DPP6: variants seen among roughly 807,000 people sequenced by gnomAD.
DPP6 encodes A-type potassium channel modulatory protein DPP6.
DPP6 carries 69 observed loss-of-function variants against 122.6 expected under a neutral mutation model. The ratio of observed to expected loss-of-function variants is 0.56; its 90% CI spans 0.46 to 0.69. DPP6 has a LOEUF of 0.69. DPP6 is among the 30% of genes least tolerant of loss of function. DPP6 has a pLI of 0.00. For synonymous variants in DPP6, 418 were observed against 433.1 expected (o/e 0.97, Z 0.43); for missense variants, 928 against 1,116.9 (o/e 0.83, Z 2.41).
chr7:154,113,869 C>G (rs1241807078), intron 1 of DPP6, among the ~76,000 whole-genome samples: 1 of 152,076 alleles, frequency 6.6e-6, no homozygotes, highest in Non-Finnish European at 1.5e-5. Flanking sequence ...TTGGCACTAA[C>G]TATAATGGTG....
At chr7:154,499,742 C>A (rs186667724) in intron 3 of DPP6, among the ~76,000 whole-genome samples, 1 of 152,158 alleles carries the variant, frequency 6.6e-6, no homozygotes. Flanking sequence ...ATATCCCCAC[C>A]ACCCACCAAC....
chr7:154,114,726 C>T (rs1470249895), intron 1 of DPP6, among the ~76,000 whole-genome samples: 1 of 152,182 alleles, frequency 6.6e-6, no homozygotes, highest in Admixed American at 6.5e-5. Flanking sequence ...AATCTTCCAC[C>T]TCAGTCAACC....
intron 16 of DPP6, among the ~76,000 whole-genome samples, chr7:154,831,133 C>T (rs1257538712): frequency 1.3e-5 from 2 of 152,220 alleles, no homozygotes; most frequent in African/African-American, 2.4e-5. Context: ...GGACCACAGA[C>T]CTCTCCATCT....
intron 16 of DPP6, among the ~76,000 whole-genome samples, chr7:154,851,433 C>T (rs1268772655): frequency 6.6e-6 from 1 of 152,182 alleles, no homozygotes; most frequent in East Asian, 1.9e-4. Context: ...TTTATTCACC[C>T]TGAAATGTGC....
At chr7:154,450,040 A>G (rs1017522555) in intron 2 of DPP6, among the ~76,000 whole-genome samples, 11 of 151,378 alleles carry the variant, frequency 7.3e-5, no homozygotes, top group Non-Finnish European at 1.5e-5. Flanking sequence ...AAATAAATAA[A>G]TAAATAAATA....
At chr7:154,639,740 A>G (rs895028284) in intron 6 of DPP6, among the ~76,000 whole-genome samples, 5 of 152,170 alleles carry the variant, frequency 3.3e-5, no homozygotes, top group African/African-American at 1.2e-4. Context: ...TGACCCCAAC[A>G]CGGAGGGAGC....
At chr7:154,883,901 C>A (rs1805768712) in intron 21 of DPP6, 1 of 128,718 alleles carries the variant, frequency 7.8e-6, no homozygotes, top group Admixed American at 8.0e-5. Flanking sequence ...ACACACATTA[C>A]ATACACATGC....
intron 1 of DPP6, among the ~76,000 whole-genome samples, chr7:154,206,311 T>C (rs1453804901): frequency 6.6e-6 from 1 of 152,186 alleles, no homozygotes; most frequent in Non-Finnish European, 1.5e-5. Context: ...TTACATAAAT[T>C]AGCAACCTCC....
chr7:153,873,998 G>T, the DPP6 span, among the ~76,000 whole-genome samples: 1 of 152,148 alleles, frequency 6.6e-6, no homozygotes, highest in Non-Finnish European at 1.5e-5. Context: ...AATTAGAGAT[G>T]GAATTTTCCT....
chr7:154,871,176 G>A (rs1443621698), intron 18 of DPP6, among the ~76,000 whole-genome samples: 8 of 152,120 alleles, frequency 5.3e-5, no homozygotes, highest in Admixed American at 1.3e-4. Flanking sequence ...TCCCAGTAAC[G>A]CTTCCCAAGC....
chr7:154,870,475 A>G (rs1229774063), intron 18 of DPP6, among the ~76,000 whole-genome samples: 1 of 151,860 alleles, frequency 6.6e-6, no homozygotes, highest in Non-Finnish European at 1.5e-5. Context: ...GCGTGATGGC[A>G]TGTGCCTGTA....
intron 5 of DPP6, among the ~76,000 whole-genome samples, chr7:154,598,733 T>C (rs1270939870): frequency 6.6e-6 from 1 of 152,180 alleles, no homozygotes; most frequent in African/African-American, 2.4e-5. Flanking sequence ...GCAGTGTAAC[T>C]GAGAACAGGC....
chr7:154,653,297 A>G lies in DPP6; in HGVS notation c.680+15424A>G, dbSNP rs1837000324. ...TGAGACCAGGAGGTTGAAGCTGCAG[A>G]GAGCTATGATTGTGCCAATCTACTC... On this transcript the variant is annotated intron_variant, in intron 6 of 25. Coordinates refer to ENST00000377770, the MANE Select transcript of DPP6 (RefSeq NM_130797.4). Among the ~76,000 whole-genome samples the G allele has an allele frequency of 2.0e-5, 3 of 152,216 alleles. No individual in the cohort carries two copies. In the South Asian group the frequency reaches 6.2e-4, roughly 32 times the overall value.
chr7:154,861,049 G>GTCT (rs1803349804), intron 17 of DPP6, among the ~76,000 whole-genome samples: 1 of 152,326 alleles, frequency 6.6e-6, no homozygotes, highest in South Asian at 2.1e-4. Context: ...TCAGCCCTAG[G>GTCT]TCTTAACATG....
chr7:154,002,655 G>T (rs981481913), intron 1 of DPP6, among the ~76,000 whole-genome samples: 1 of 152,114 alleles, frequency 6.6e-6, no homozygotes, highest in African/African-American at 2.4e-5. Flanking sequence ...CCATCACTTG[G>T]TGGGACCATG....
At chr7:154,830,370 G>A (rs1290852537) in intron 16 of DPP6, among the ~76,000 whole-genome samples, 2 of 152,192 alleles carry the variant, frequency 1.3e-5, no homozygotes, top group Admixed American at 6.5e-5. Flanking sequence ...GGGGGACTGG[G>A]GGGCCATGCC....
chr7:153,874,754 T>C, the DPP6 span, among the ~76,000 whole-genome samples: 1 of 152,112 alleles, frequency 6.6e-6, no homozygotes, highest in Non-Finnish European at 1.5e-5. Context: ...AAATAAGATA[T>C]GAAATTAAGA....
chr7:154,376,609 T>G (rs558288680), intron 1 of DPP6, among the ~76,000 whole-genome samples: 2 of 152,342 alleles, frequency 1.3e-5, no homozygotes, highest in South Asian at 4.1e-4. Flanking sequence ...AGCAGAAACT[T>G]AGATTCAGCT....
At chr7:154,710,094 G>A (rs880729) in intron 7 of DPP6, among the ~76,000 whole-genome samples, 114,920 of 152,148 alleles carry the variant, frequency 0.76, 45,489 homozygotes, top group Non-Finnish European at 0.88. Context: ...CAACCACACA[G>A]GAGCTGCCTT....
Sources: gnomAD v4.1 joint callset for allele counts (sites outside exome capture counted in the v4.1 genomes callset) on GRCh38, gnomAD v4.1.1 for gene constraint, MANE v1.5 for transcripts, NCBI Gene and HGNC (gene_info 2026-07-23, HGNC 2026-07-21) for gene names.